KCNN2: variants seen among roughly 807,000 people sequenced by gnomAD.
KCNN2 encodes the protein small conductance calcium-activated potassium channel protein 2.
A neutral mutation model predicts 55.5 loss-of-function variants in KCNN2; 24 were observed. The ratio of observed to expected loss-of-function variants is 0.43; its 90% CI spans 0.31 to 0.61. The LOEUF is 0.61. Among genes scored for constraint, KCNN2 ranks in the 20% least tolerant of loss-of-function variants. The pLI is 0.08. For synonymous variants in KCNN2, 431 were observed against 336.1 expected (o/e 1.28, Z -3.09); for missense variants, 754 against 853.6 (o/e 0.88, Z 1.45).
At chr5:114,203,847 C>G (rs1753720921) in intron 1 of KCNN2, among the ~76,000 whole-genome samples, 1 of 152,200 alleles carries the variant, frequency 6.6e-6, no homozygotes, top group Non-Finnish European at 1.5e-5. Flanking sequence ...TGAACAGCAT[C>G]TATTCAGAAA....
At chr5:114,079,644 A>G (rs556389130) in intron 1 of KCNN2, among the ~76,000 whole-genome samples, 2 of 152,274 alleles carry the variant, frequency 1.3e-5, no homozygotes, top group East Asian at 3.9e-4. Context: ...ACAATACTGC[A>G]TGAAGACAAA....
At chr5:114,313,175 GT>G (rs1756439203) in intron 2 of KCNN2, among the ~76,000 whole-genome samples, 3 of 152,064 alleles carry the variant, frequency 2.0e-5, no homozygotes, top group Admixed American at 2.0e-4. Context: ...TCATTTTCCT[GT>G]TTCCATCTGC....
chr5:114,458,349 G>T (rs1761022980), intron 3 of KCNN2, among the ~76,000 whole-genome samples: 1 of 152,138 alleles, frequency 6.6e-6, no homozygotes, highest in African/African-American at 2.4e-5. Flanking sequence ...TATTTTTACA[G>T]ATATAAAAAT....
chr5:114,076,661 G>C (rs897746728), intron 1 of KCNN2, among the ~76,000 whole-genome samples: 1 of 152,104 alleles, frequency 6.6e-6, no homozygotes, highest in Non-Finnish European at 1.5e-5. Flanking sequence ...TCCAAAAGAA[G>C]AAGGTAGGTT....
At chr5:114,216,605 C>G (rs971593624) in intron 1 of KCNN2, among the ~76,000 whole-genome samples, 1 of 152,082 alleles carries the variant, frequency 6.6e-6, no homozygotes, top group African/African-American at 2.4e-5. Context: ...TAAACACTCT[C>G]AGCAAACTGG....
chr5:114,204,077 AG>A (rs1399605053), intron 1 of KCNN2, among the ~76,000 whole-genome samples: 5 of 152,190 alleles, frequency 3.3e-5, no homozygotes, highest in Non-Finnish European at 7.3e-5. Context: ...TACAGACTTC[AG>A]GAAGTTCACC....
At chr5:114,056,513 C>T (rs1750212016) in intron 1 of KCNN2, 1 of 398,248 alleles carries the variant, frequency 2.5e-6, no homozygotes, top group Non-Finnish European at 4.4e-6. Flanking sequence ...AAGGTCGCGA[C>T]TAAGGTGACA....
chr5:114,136,045 T>G lies in KCNN2; in HGVS notation c.-271+79545T>G, dbSNP rs527808918. 8.5e-5 allele frequency among the ~76,000 whole-genome samples: 13 copies of G among 152,128 alleles called. No homozygotes were observed. The South Asian group carries it at 2.7e-3, about 32-fold the overall frequency. Reference sequence around the variant, plus strand: ...AGAAAAATTTCCAGAATTAAAGAATTGAGTTACCAGATTGAAAGGGCCAAT... The same window carrying G: ...AGAAAAATTTCCAGAATTAAAGAATGGAGTTACCAGATTGAAAGGGCCAAT... On this transcript the variant is annotated intron_variant, in intron 1 of 10. Coordinates refer to the KCNN2 transcript ENST00000512097.
At chr5:114,255,561 C>T (rs901220058) in intron 2 of KCNN2, among the ~76,000 whole-genome samples, 1 of 152,084 alleles carries the variant, frequency 6.6e-6, no homozygotes, top group Non-Finnish European at 1.5e-5. Context: ...AAGGCAGGGC[C>T]TTGTAGGCTG....
chr5:114,399,861 A>C (rs147092318), intron 2 of KCNN2, among the ~76,000 whole-genome samples: 1 of 141,204 alleles, frequency 7.1e-6, no homozygotes, highest in South Asian at 2.2e-4. Flanking sequence ...GAATTTTTCT[A>C]TTTCCTCTAA....
chr5:114,264,800 C>T (rs889204511), intron 2 of KCNN2, among the ~76,000 whole-genome samples: 1 of 152,130 alleles, frequency 6.6e-6, no homozygotes, highest in South Asian at 2.1e-4. Context: ...ACCAGAGGCC[C>T]CCATCTTCTG....
chr5:114,388,320 A>G (rs933386483), intron 2 of KCNN2, among the ~76,000 whole-genome samples: 1 of 151,992 alleles, frequency 6.6e-6, no homozygotes, highest in African/African-American at 2.4e-5. Flanking sequence ...ATGTTATGCA[A>G]TTTATATCCC....
At chr5:114,095,229 G>C (rs1350551680) in intron 1 of KCNN2, among the ~76,000 whole-genome samples, 1 of 152,138 alleles carries the variant, frequency 6.6e-6, no homozygotes, top group African/African-American at 2.4e-5. Flanking sequence ...CAGGGAGAGA[G>C]AGGAAGCAGA....
At chr5:114,304,432 C>T (rs566428529) in intron 2 of KCNN2, among the ~76,000 whole-genome samples, 2 of 152,264 alleles carry the variant, frequency 1.3e-5, no homozygotes, top group East Asian at 3.9e-4. Flanking sequence ...ACTGAGCCTA[C>T]CCACCCTTAT....
At chr5:114,126,520 G>A (rs1046493883) in intron 1 of KCNN2, among the ~76,000 whole-genome samples, 13 of 152,050 alleles carry the variant, frequency 8.5e-5, no homozygotes, top group East Asian at 3.9e-4. Context: ...GAATCCTCCC[G>A]CATGATTCAA....
intron 2 of KCNN2, among the ~76,000 whole-genome samples, chr5:114,272,452 G>A (rs1417764598): frequency 8.3e-5 from 1 of 12,042 alleles, no homozygotes; most frequent in Non-Finnish European, 5.4e-4. Context: ...ACACACATAT[G>A]TATGTACATA....
chr5:114,494,199 T>C (rs1235823182), intron 7 of KCNN2, among the ~76,000 whole-genome samples: 1 of 151,978 alleles, frequency 6.6e-6, no homozygotes, highest in African/African-American at 2.4e-5. Context: ...TTTATATAAT[T>C]GTTCAGCCTT....
At position 114,288,840 on chromosome 5, in the gene KCNN2, T is replaced by C. The variant is rs779043669; in HGVS notation, c.-185+67275T>C. Among the ~76,000 whole-genome samples, 30 of 152,316 alleles carry C rather than the reference T, an allele frequency of 2.0e-4. 1 individual carries two copies. The highest frequency in any genetic ancestry group is 4.6e-4 in the Admixed American group (7 of 15,290). ...CTTTTCACCTTCTTAATAATGTCCA[T>C]TGACACACAAGACTTTTTAAATTTG... On this transcript the variant is annotated intron_variant, in intron 2 of 10. Transcript: ENST00000512097.
chr5:114,364,100 G>A, intron 2 of KCNN2, 99 bp downstream of exon 2: 1 of 842,680 alleles, frequency 1.2e-6, no homozygotes, highest in Middle Eastern at 2.3e-4. Flanking sequence ...TCATGTCCTT[G>A]CTTGAGGTTA....
Sources: allele counts gnomAD v4.1 joint callset (sites outside exome capture counted in the v4.1 genomes callset), GRCh38; gene constraint gnomAD v4.1.1; transcripts MANE v1.5; gene names NCBI Gene and HGNC (gene_info 2026-07-23, HGNC 2026-07-21).